Variants in DIP2C observed in about 807,000 individuals in gnomAD.
The protein encoded by DIP2C is DIP2 acetate--CoA ligase C (putative).
In DIP2C, 33 loss-of-function variants were observed where a neutral mutation model predicts 192.4. That is an observed-to-expected ratio of 0.17 (90% CI 0.13 to 0.23). The LOEUF is 0.23. DIP2C is among the 10% of genes least tolerant of loss of function. The pLI is 1.00. For synonymous variants in DIP2C, 979 were observed against 864.1 expected (o/e 1.13, Z -2.33); for missense variants, 1,537 against 2,110.1 (o/e 0.73, Z 5.32).
intron 1 of DIP2C, among the ~76,000 whole-genome samples, chr10:487,664 G>A (rs570391715): frequency 8.0e-6 from 1 of 124,690 alleles, no homozygotes; most frequent in Admixed American, 1.1e-4. Flanking sequence ...TGCAAGCTCC[G>A]CCTCCTGGGT....
At chr10:574,214 A>G (rs1850003727) in intron 1 of DIP2C, among the ~76,000 whole-genome samples, 1 of 152,230 alleles carries the variant, frequency 6.6e-6, no homozygotes. Flanking sequence ...ATATACAAAC[A>G]TCTATAACTT....
At chr10:491,171 C>A (rs1014558551) in intron 1 of DIP2C, among the ~76,000 whole-genome samples, 4 of 152,216 alleles carry the variant, frequency 2.6e-5, no homozygotes, top group Non-Finnish European at 5.9e-5. Context: ...AGGCTCAAGA[C>A]ACGGACACTT....
chr10:594,311 A>G (rs1851571139), intron 1 of DIP2C, among the ~76,000 whole-genome samples: 1 of 152,170 alleles, frequency 6.6e-6, no homozygotes. Flanking sequence ...ACAACCCCAC[A>G]TGAAACTCCC....
intron 9 of DIP2C, among the ~76,000 whole-genome samples, chr10:406,810 T>C (rs1229191718): frequency 6.6e-6 from 1 of 152,056 alleles, no homozygotes; most frequent in Non-Finnish European, 1.5e-5. Context: ...GGGGATAACA[T>C]CACTATCATA....
chr10:406,964 C>G (rs921258106), intron 9 of DIP2C, among the ~76,000 whole-genome samples: 5 of 152,206 alleles, frequency 3.3e-5, no homozygotes, highest in African/African-American at 1.2e-4. Flanking sequence ...AGTTCGACCC[C>G]CTACGATCCC....
chr10:604,778 G>A (rs1564257317), intron 1 of DIP2C, among the ~76,000 whole-genome samples: 1 of 152,190 alleles, frequency 6.6e-6, no homozygotes, highest in Non-Finnish European at 1.5e-5. Flanking sequence ...AATTTAGGGG[G>A]TTTGCCTATG....
chr10:372,967 A>G (rs939303390), intron 17 of DIP2C, among the ~76,000 whole-genome samples: 1 of 152,256 alleles, frequency 6.6e-6, no homozygotes, highest in Non-Finnish European at 1.5e-5. Context: ...TCCGTGTGCC[A>G]AATGGTTCTG....
intron 1 of DIP2C, among the ~76,000 whole-genome samples, chr10:560,262 T>C (rs1033490154): frequency 6.6e-6 from 1 of 151,904 alleles, no homozygotes; most frequent in African/African-American, 2.4e-5. Flanking sequence ...GTGGACAGGA[T>C]GGAGGAGTCA....
At position 338,788 on chromosome 10, in the gene DIP2C, C is replaced by T. The variant is rs923251086; in HGVS notation, c.3584+2411G>A. ...GCCTGGCTGGCACTGCCCACGCCAC[C>T]TGCACGCTGCACCCTGCCTGGCTCC... On this transcript the variant is annotated intron_variant, in intron 29 of 36. Transcript: ENST00000280886. Among the ~76,000 whole-genome samples, 4 of 151,570 alleles carry T rather than the reference C, an allele frequency of 2.6e-5. 1 individual carries two copies. Among genetic ancestry groups the T allele is most frequent in the Admixed American group, 2.6e-4 (4 of 15,234 alleles).
intron 1 of DIP2C, among the ~76,000 whole-genome samples, chr10:511,174 T>C (rs1346138825): frequency 6.6e-6 from 1 of 152,200 alleles, no homozygotes; most frequent in Non-Finnish European, 1.5e-5. Flanking sequence ...ACTGTCGCGA[T>C]GCTGCTTGGC....
At position 508,917 on chromosome 10, in the gene DIP2C, C is replaced by T. The variant is rs148709601; in HGVS notation, c.86-22387G>A. Among the ~76,000 whole-genome samples the T allele has an allele frequency of 3.4e-3, 515 of 152,318 alleles. 4 individuals carry two copies. The highest frequency in any genetic ancestry group is 0.012 in the African/African-American group (490 of 41,568). ...TGGAAGGCGGCCACTCTGACCCGAC[C>T]GTCCACCTCCAGGGTCAGCCACCTG... On this transcript the variant is annotated intron_variant, in intron 1 of 36. Transcript: ENST00000280886.
At chr10:355,874 C>G (rs1300124108) in intron 24 of DIP2C, among the ~76,000 whole-genome samples, 1 of 152,164 alleles carries the variant, frequency 6.6e-6, no homozygotes, top group African/African-American at 2.4e-5. Context: ...GCCAGGAATT[C>G]AAGACCATCC....
At chr10:448,123 C>T (rs1430600070) in intron 3 of DIP2C, among the ~76,000 whole-genome samples, 251 of 109,720 alleles carry the variant, frequency 2.3e-3, no homozygotes, top group African/African-American at 9.2e-3. Context: ...TCATCCCCAT[C>T]TATACTCAGG....
intron 1 of DIP2C, among the ~76,000 whole-genome samples, chr10:521,404 C>CA (rs924661562): frequency 3.9e-5 from 6 of 152,162 alleles, no homozygotes; most frequent in African/African-American, 1.4e-4. Context: ...GAAAACTCGT[C>CA]AAAAAATCAT....
chr10:612,912 T>G (rs1344181588), intron 1 of DIP2C, among the ~76,000 whole-genome samples: 1 of 152,198 alleles, frequency 6.6e-6, no homozygotes, highest in African/African-American at 2.4e-5. Context: ...GCTGGTTTAC[T>G]GTTAAATGCA....
intron 1 of DIP2C, among the ~76,000 whole-genome samples, chr10:633,115 G>A (rs1472805544): frequency 6.6e-6 from 1 of 152,228 alleles, no homozygotes; most frequent in Non-Finnish European, 1.5e-5. Flanking sequence ...CCTCAACCGG[G>A]ATCAATTTTT....
chr10:526,880 T>C (rs373748029), intron 1 of DIP2C, among the ~76,000 whole-genome samples: 5 of 152,348 alleles, frequency 3.3e-5, no homozygotes, highest in South Asian at 4.1e-4. Context: ...GCAGAGTCCC[T>C]GGTGCCATCA....
chr10:285,712 G>A (rs376330130), intron 34 of DIP2C, among the ~76,000 whole-genome samples: 9 of 152,380 alleles, frequency 5.9e-5, no homozygotes, highest in East Asian at 1.9e-4. Context: ...TCCACGAGGC[G>A]TCTTTCTCTA....
chr10:383,963 GAAA>G (rs5782550), intron 16 of DIP2C, 61 bp downstream of exon 16: 15,423 of 1,128,704 alleles, frequency 0.014, no homozygotes, highest in South Asian at 0.036. Context: ...CCTGCCTCAC[GAAA>G]AAAAAAAAAA....
Sources: allele counts gnomAD v4.1 joint callset (sites outside exome capture counted in the v4.1 genomes callset), GRCh38; gene constraint gnomAD v4.1.1; transcripts MANE v1.5; gene names NCBI Gene and HGNC (gene_info 2026-07-23, HGNC 2026-07-21).